Variants in MFSD12 observed in about 807,000 individuals in gnomAD.
MFSD12 encodes major facilitator superfamily domain-containing protein 12.
A neutral mutation model predicts 51.2 loss-of-function variants in MFSD12; 67 were observed. The ratio of observed to expected loss-of-function variants is 1.31; its 90% CI spans 1.08 to 1.60. The LOEUF is 1.60. Ranked by LOEUF, MFSD12 falls within the 40% of genes most tolerant of loss-of-function variation. The pLI, the probability that MFSD12 is intolerant of heterozygous loss-of-function variation, is 0.00. For synonymous variants in MFSD12, 441 were observed against 316.7 expected (o/e 1.39, Z -4.17); for missense variants, 921 against 673.0 (o/e 1.37, Z -4.08).
chr19:3,547,811 G>C lies in MFSD12; in HGVS notation c.837+37C>G. On this transcript the variant is annotated intron_variant, in intron 4 of 9. Transcript: ENST00000355415. ...GAGCAAAGGCCCTGTGGGTGGGAGA[G>C]AAGGCCCACGCCAGCCCCACCGTCC... is the stretch of plus-strand genomic sequence containing the variant. 2.7e-6 allele frequency: 4 copies of C among 1,461,702 alleles called. No homozygotes were observed. The South Asian group carries it at 5.8e-5, about 21-fold the overall frequency. The allele number at this position is 1,461,702 out of a possible 1,614,324, so 90.5% of individuals were successfully genotyped here.
chr19:3,542,858 C>A, downstream of MFSD12: 1 of 1,384,852 alleles, frequency 7.2e-7, no homozygotes. Flanking sequence ...CACCTCCAGG[C>A]CAGGGGGGCT....
chr19:3,543,312 TGGGAC>T (rs2030592223), downstream of MFSD12: 2 of 1,549,100 alleles, frequency 1.3e-6, no homozygotes, highest in Non-Finnish European at 1.7e-6. Flanking sequence ...TACACGCCCA[TGGGAC>T]GGGACGCAGC....
rs1478087685 is a variant in MFSD12 at position 3,547,248 on chromosome 19, TGTCCCCG to T, written c.1023+17_1023+23del. On this transcript the variant is annotated intron_variant, in intron 6 of 9. Coordinates refer to ENST00000355415, the MANE Select transcript of MFSD12 (RefSeq NM_174983.5). ...AGGGCACCCCATCCTCCGCCCCAGC[TGTCCCCG>T]GTCCCCGCCCACTCACGTTCCTCCC... The T allele has an allele frequency of 6.2e-7, 1 of 1,602,360 alleles. No homozygotes were observed. Among genetic ancestry groups the T allele is most frequent in the Non-Finnish European group, 8.5e-7 (1 of 1,170,270 alleles).
chr19:3,547,505 A>G lies in MFSD12; in HGVS notation c.880T>C (p.Ser294Pro), dbSNP rs776897212. 21 of 1,612,982 alleles carry G rather than the reference A, an allele frequency of 1.3e-5. No homozygotes were observed. Among genetic ancestry groups the G allele is most frequent in the Non-Finnish European group, 1.8e-5 (21 of 1,179,898 alleles). ...YMTTRLIVNL[S>P]QTYMAMYLTY... Reference sequence around the variant, plus strand: ...AGGTACATGGCCATGTAGGTCTGGGACAGGTTCACGATGAGCCTGGTGGTC... The same window carrying G: ...AGGTACATGGCCATGTAGGTCTGGGGCAGGTTCACGATGAGCCTGGTGGTC... Residue 294 changes from serine (S) to proline (P), a missense_variant, in exon 5 of 10, where the codon TCC becomes CCC. Coordinates refer to ENST00000355415, the MANE Select transcript of MFSD12 (RefSeq NM_174983.5).
At chr19:3,540,545 C>T (rs979654048), downstream of MFSD12, among the ~76,000 whole-genome samples, 18 of 151,544 alleles carry the variant, frequency 1.2e-4, no homozygotes, top group Non-Finnish European at 1.8e-4. Context: ...CGTGAGGCAC[C>T]GCGCCTAGCT....
rs771921944 is a variant in MFSD12 at position 3,557,139 on chromosome 19, G to A, written c.265C>T (p.Arg89Cys). The change falls in exon 1 of 10, where the codon CGC (arginine) becomes TGC (cysteine). Residue 89 changes from arginine to cysteine, a missense_variant. Physicochemically the swap from Arg to Cys is radical, Grantham distance 180. Coordinates refer to ENST00000355415, the MANE Select transcript of MFSD12 (RefSeq NM_174983.5). ...TGCCAGGCCTTGCGCGGGCCGTAGCGGGCGCAGCAGCTGGCGGCGCGGTCG... is the reference window on the plus strand; with the variant it reads ...TGCCAGGCCTTGCGCGGGCCGTAGCAGGCGCAGCAGCTGGCGGCGCGGTCG... ...EADRAASCCA[R>C]YGPRKAWHLV... 6.0e-6 allele frequency: 9 copies of A among 1,510,046 alleles called. No homozygotes were observed. In the East Asian group the frequency reaches 1.6e-4, roughly 28 times the overall value. The allele number at this position is 1,510,046 out of a possible 1,614,324, so 93.5% of individuals were successfully genotyped here.
chr19:3,549,225 T>C lies in MFSD12; in HGVS notation c.510-958A>G, dbSNP rs143233128. On this transcript the variant is annotated intron_variant, in intron 2 of 9. Coordinates refer to ENST00000355415, the MANE Select transcript of MFSD12 (RefSeq NM_174983.5). ...TAGTGGATAAGCCGGGCACCCGCTG[T>C]ACCCAGGTGTAATAGAAAGAATTCT... is the stretch of plus-strand genomic sequence containing the variant. Among the ~76,000 whole-genome samples, 419 of 152,286 alleles carry C rather than the reference T, an allele frequency of 2.8e-3. 4 individuals carry two copies. Among genetic ancestry groups the C allele is most frequent in the African/African-American group, 9.6e-3 (397 of 41,552 alleles).
chr19:3,553,240 T>C (rs975347790), intron 1 of MFSD12, among the ~76,000 whole-genome samples: 1 of 151,692 alleles, frequency 6.6e-6, no homozygotes, highest in East Asian at 1.9e-4. Flanking sequence ...GGGTTAACCA[T>C]TGTTGGGGCC....
In MFSD12 at chr19:3,546,406, A is replaced by AGGCCT; in HGVS notation, c.1038_1042dup (p.Leu348GlnfsTer5). 1.2e-6 allele frequency: 2 copies of AGGCCT among 1,607,020 alleles called. No homozygotes were observed. Among genetic ancestry groups the AGGCCT allele is most frequent in the Non-Finnish European group, 1.7e-6 (2 of 1,177,508 alleles). On this transcript the variant is annotated frameshift_variant, in exon 7 of 10. Transcript: ENST00000355415. LOFTEE classifies it high-confidence loss of function. The stretch of plus-strand genomic sequence containing the variant: ...GGCGGCAAAGGCCAGGATCACCAGG[A>AGGCCT]GGCCTGAGAAGTAGGTCATCTGCAG...
downstream of MFSD12, chr19:3,539,217 C>A (rs2030145691): frequency 6.5e-7 from 1 of 1,545,820 alleles, no homozygotes; most frequent in Non-Finnish European, 8.7e-7. Context: ...GCCCTGTATC[C>A]CCTCGGGGAC....
downstream of MFSD12, chr19:3,539,292 A>G (rs1445846350): frequency 2.8e-6 from 3 of 1,062,762 alleles, no homozygotes; most frequent in African/African-American, 4.6e-5. Context: ...AGCCCCTCCC[A>G]GCCCCTCCCT....
chr19:3,542,791 C>A, downstream of MFSD12: 3 of 1,369,376 alleles, frequency 2.2e-6, no homozygotes, highest in Non-Finnish European at 2.9e-6. Flanking sequence ...CTAGTGGGTC[C>A]CCCAGTCTTC....
chr19:3,555,530 C>T (rs549912955), intron 1 of MFSD12, among the ~76,000 whole-genome samples: 8 of 152,354 alleles, frequency 5.3e-5, no homozygotes, highest in Admixed American at 5.2e-4. Flanking sequence ...AGCCGGTCCC[C>T]TCCCTGTCTG....
intron 2 of MFSD12, 134 bp downstream of exon 2, chr19:3,550,850 T>G: frequency 1.4e-6 from 1 of 739,080 alleles, no homozygotes; most frequent in Non-Finnish European, 2.2e-6. Flanking sequence ...GAGACCCCCT[T>G]TCAAAAAAAT....
chr19:3,548,905 T>C (rs1043928219), intron 2 of MFSD12, among the ~76,000 whole-genome samples: 1 of 152,124 alleles, frequency 6.6e-6, no homozygotes, highest in Non-Finnish European at 1.5e-5. Context: ...CACATGGCCA[T>C]AATGGGGAAC....
At position 3,548,109 on chromosome 19, in the gene MFSD12, G is replaced by A. The variant is rs369958803; in HGVS notation, c.654+14C>T. 147 of 1,604,992 alleles carry A rather than the reference G, an allele frequency of 9.2e-5. 1 individual carries two copies. Among genetic ancestry groups the A allele is most frequent in the Middle Eastern group, 1.7e-4 (1 of 6,038 alleles). On this transcript the variant is annotated intron_variant, in intron 3 of 9. Coordinates refer to ENST00000355415, the MANE Select transcript of MFSD12 (RefSeq NM_174983.5). ...CTCGAGGACTTCAGGCGACCCACCC[G>A]GACTCCAGCTCACCCGGAACACGGG...
rs372467938 is a variant in MFSD12 at position 3,547,506 on chromosome 19, C to T, written c.879G>A (p.Leu293=). 1.2e-5 allele frequency: 19 copies of T among 1,612,924 alleles called. No individual in the cohort carries two copies. Among genetic ancestry groups the T allele is most frequent in the African/African-American group, 4.0e-5 (3 of 74,940 alleles). ...LYMTTRLIVN[L]SQTYMAMYLT... ...GGTACATGGCCATGTAGGTCTGGGA[C>T]AGGTTCACGATGAGCCTGGTGGTCA... Residue 293 remains leucine, a synonymous_variant, in exon 5 of 10, where the codon CTG becomes CTA. Transcript: ENST00000355415.
intron 4 of MFSD12, chr19:3,539,026 A>G: frequency 1.6e-6 from 1 of 636,354 alleles, no homozygotes; most frequent in Non-Finnish European, 2.9e-6. Flanking sequence ...AAATACTCAG[A>G]ACGACTCTCC....
rs2030804786 is a variant in MFSD12, at chr19:3,544,737, A to C, written c.1421-5T>G. On this transcript the variant is annotated splice_region_variant and splice_polypyrimidine_tract_variant and intron_variant, in intron 9 of 9. Transcript: ENST00000355415. ...AGGGCCGGGCATCACGGTCCCCTGC[A>C]AGGGAGGGGTGGAAATGGCATTAGA... 2 of 1,580,902 alleles carry C rather than the reference A, an allele frequency of 1.3e-6. No individual in the cohort carries two copies. The highest frequency in any genetic ancestry group is 1.7e-6 in the Non-Finnish European group (2 of 1,160,014).
Sources: gnomAD v4.1 joint callset for allele counts (sites outside exome capture counted in the v4.1 genomes callset) on GRCh38, gnomAD v4.1.1 for gene constraint, MANE v1.5 for transcripts, NCBI Gene and HGNC (gene_info 2026-07-23, HGNC 2026-07-21) for gene names.